The following CDH23 variants were observed in gnomAD, a reference collection of about 807,000 sequenced individuals.
CDH23 encodes cadherin related 23.
CDH23 carries 189 observed loss-of-function variants against 317.1 expected under a neutral mutation model. That is an observed-to-expected ratio of 0.60 (90% CI 0.53 to 0.67). CDH23 has a LOEUF of 0.67. CDH23 is among the 30% of genes least tolerant of loss of function. CDH23 has a pLI of 0.00. For synonymous variants in CDH23, 1,839 were observed against 1,876.8 expected (o/e 0.98, Z 0.52); for missense variants, 4,401 against 4,592.4 (o/e 0.96, Z 1.20).
intron 3 of CDH23, among the ~76,000 whole-genome samples, chr10:71,451,516 A>G (rs577567792): frequency 6.6e-6 from 1 of 152,290 alleles, no homozygotes; most frequent in East Asian, 1.9e-4. Flanking sequence ...GTGAAAGGCA[A>G]GCTCCCACTT....
At chr10:71,430,415 CT>C (rs1849316815) in intron 1 of CDH23, among the ~76,000 whole-genome samples, 1 of 152,174 alleles carries the variant, frequency 6.6e-6, no homozygotes, top group South Asian at 2.1e-4. Context: ...TTGCCAACAG[CT>C]ATGAAAATAT....
chr10:71,648,899 G>A (rs768377769), intron 14 of CDH23, among the ~76,000 whole-genome samples: 1 of 152,162 alleles, frequency 6.6e-6, no homozygotes, highest in Non-Finnish European at 1.5e-5. Flanking sequence ...CATTTCATCA[G>A]GTAACAGCTC....
At chr10:71,607,372 G>A (rs757356940) in intron 9 of CDH23, among the ~76,000 whole-genome samples, 3 of 152,236 alleles carry the variant, frequency 2.0e-5, no homozygotes, top group East Asian at 1.9e-4. Flanking sequence ...CTGGATGATC[G>A]AGTGCAGGTT....
chr10:71,575,984 G>A lies in CDH23; in HGVS notation c.754-1930G>A, dbSNP rs890657194. Among the ~76,000 whole-genome samples, 16 of 152,318 alleles carry A rather than the reference G, an allele frequency of 1.1e-4. 1 individual carries two copies. The highest frequency in any genetic ancestry group is 3.9e-4 in the East Asian group (2 of 5,172). On this transcript the variant is annotated intron_variant, in intron 8 of 69. Coordinates refer to ENST00000224721, the MANE Select transcript of CDH23 (RefSeq NM_022124.6). ...CCAGGAGCCTGTCAGAGCTTGCTTC[G>A]TAGAAGCTCGGGTATGACTCTTTTA...
At chr10:71,775,516 A>G (rs1757165553) in intron 38 of CDH23, among the ~76,000 whole-genome samples, 1 of 152,126 alleles carries the variant, frequency 6.6e-6, no homozygotes, top group South Asian at 2.1e-4. Flanking sequence ...AGGGTGAGAC[A>G]CAGGCATTGC....
chr10:71,450,708 C>T (rs1211987366), intron 3 of CDH23, among the ~76,000 whole-genome samples: 4 of 152,142 alleles, frequency 2.6e-5, no homozygotes, highest in Non-Finnish European at 5.9e-5. Context: ...ACACCACCCG[C>T]CCCTTCCCAG....
chr10:71,411,120 C>T (rs1214785053), intron 1 of CDH23, among the ~76,000 whole-genome samples: 3 of 152,138 alleles, frequency 2.0e-5, no homozygotes, highest in Non-Finnish European at 4.4e-5. Context: ...TTTTGGCTTT[C>T]TGCATTTACA....
At chr10:71,456,201 G>A (rs1385518315) in intron 3 of CDH23, among the ~76,000 whole-genome samples, 1 of 150,554 alleles carries the variant, frequency 6.6e-6, no homozygotes, top group Non-Finnish European at 1.5e-5. Context: ...GGAGGAAGGA[G>A]GTGATCTAGT....
chr10:71,708,358 A>G (rs941024282), intron 26 of CDH23, among the ~76,000 whole-genome samples: 1 of 152,150 alleles, frequency 6.6e-6, no homozygotes, highest in African/African-American at 2.4e-5. Context: ...GTCCTGCCCA[A>G]GCTCACCACA....
At chr10:71,435,661 C>T (rs2131993464) in intron 1 of CDH23, among the ~76,000 whole-genome samples, 1 of 152,298 alleles carries the variant, frequency 6.6e-6, no homozygotes, top group South Asian at 2.1e-4. Context: ...GTTTCCTGAT[C>T]CAGTGGGGAG....
intron 1 of CDH23, among the ~76,000 whole-genome samples, chr10:71,433,093 G>T (rs1490901521): frequency 6.6e-6 from 1 of 152,174 alleles, no homozygotes; most frequent in Non-Finnish European, 1.5e-5. Context: ...CAGAAGATAG[G>T]CGGAATGCAG....
At chr10:71,536,925 C>T (rs1020227445) in intron 6 of CDH23, among the ~76,000 whole-genome samples, 1 of 152,048 alleles carries the variant, frequency 6.6e-6, no homozygotes, top group Admixed American at 6.5e-5. Flanking sequence ...TGCTGTCCTG[C>T]GAGCCTTGAG....
At chr10:71,796,015 C>T in intron 48 of CDH23, 1 of 986,534 alleles carries the variant, frequency 1.0e-6, no homozygotes, top group Non-Finnish European at 1.2e-6. Context: ...CCTCGCTCCC[C>T]AGCCTGGGGG....
chr10:71,781,103 C>T (rs1589417854), intron 41 of CDH23, among the ~76,000 whole-genome samples: 1 of 152,126 alleles, frequency 6.6e-6, no homozygotes, highest in Admixed American at 6.5e-5. Flanking sequence ...GAGGTCTGGG[C>T]TGGAGACGGG....
At chr10:71,455,475 C>T (rs913547287) in intron 3 of CDH23, among the ~76,000 whole-genome samples, 5 of 151,952 alleles carry the variant, frequency 3.3e-5, no homozygotes, top group African/African-American at 9.7e-5. Flanking sequence ...GATAGGTAGA[C>T]GGACAGATGC....
intron 11 of CDH23, among the ~76,000 whole-genome samples, chr10:71,642,393 CTTTTTTT>C (rs781291264): frequency 2.3e-5 from 2 of 85,390 alleles, no homozygotes; most frequent in Admixed American, 1.5e-4. Flanking sequence ...GGCCCGGCCT[CTTTTTTT>C]TTTTTTTTTT....
At chr10:71,492,531 C>T (rs1457673343) in intron 3 of CDH23, among the ~76,000 whole-genome samples, 2 of 152,226 alleles carry the variant, frequency 1.3e-5, no homozygotes, top group South Asian at 4.1e-4. Context: ...TTGGGATGTG[C>T]TTTGCAGAGA....
chr10:71,554,548 G>A (rs1039815507), intron 6 of CDH23, among the ~76,000 whole-genome samples: 1 of 152,118 alleles, frequency 6.6e-6, no homozygotes, highest in African/African-American at 2.4e-5. Context: ...CAAGTCTCAA[G>A]GTTACTGTAT....
chr10:71,402,534 C>T (rs185283038), intron 1 of CDH23, among the ~76,000 whole-genome samples: 7 of 152,304 alleles, frequency 4.6e-5, no homozygotes, highest in Admixed American at 2.0e-4. Flanking sequence ...GACAACTTTA[C>T]AAGGCATTGT....
Sources: gnomAD v4.1 joint callset for allele counts (sites outside exome capture counted in the v4.1 genomes callset) on GRCh38, gnomAD v4.1.1 for gene constraint, MANE v1.5 for transcripts, NCBI Gene and HGNC (gene_info 2026-07-23, HGNC 2026-07-21) for gene names.